The following SLC37A1 variants were observed in gnomAD, a reference collection of about 807,000 sequenced individuals.
SLC37A1 encodes the protein solute carrier family 37 member 1, also known as glucose-6-phosphate exchanger SLC37A1.
SLC37A1 carries 49 observed loss-of-function variants against 75.3 expected under a neutral mutation model. That is an observed-to-expected ratio of 0.65 (90% CI 0.52 to 0.83). SLC37A1 has a LOEUF of 0.83. SLC37A1 is among the 40% of genes least tolerant of loss of function. The probability of loss-of-function intolerance (pLI) is 0.00; values close to 1 mark genes in which losing one functional copy is unlikely to be tolerated. For missense variants in SLC37A1, 566 were observed against 695.0 expected (o/e 0.81, Z 2.09); for synonymous variants, 268 against 292.1 (o/e 0.92, Z 0.84).
At chr21:42,532,231 T>TG (rs1419545010) in intron 3 of SLC37A1, among the ~76,000 whole-genome samples, 3 of 152,112 alleles carry the variant, frequency 2.0e-5, no homozygotes, top group Admixed American at 6.5e-5. Flanking sequence ...TGCTTATTTA[T>TG]GAAAAAAAGG....
At chr21:42,502,004 C>T (rs575297794) in intron 1 of SLC37A1, among the ~76,000 whole-genome samples, 1 of 152,238 alleles carries the variant, frequency 6.6e-6, no homozygotes, top group East Asian at 1.9e-4. Context: ...TAAGGCTCCC[C>T]CTACCCAACT....
chr21:42,524,696 C>T (rs2054735573), intron 2 of SLC37A1, among the ~76,000 whole-genome samples: 1 of 152,236 alleles, frequency 6.6e-6, no homozygotes, highest in African/African-American at 2.4e-5. Context: ...CTCAAGTGTG[C>T]ATCTCGAGTC....
intron 5 of SLC37A1, among the ~76,000 whole-genome samples, chr21:42,537,354 A>C (rs1346807024): frequency 1.3e-5 from 2 of 152,176 alleles, no homozygotes. Context: ...GACCTTCTCC[A>C]CTTTGAGGTC....
rs1421908813 is a variant in SLC37A1 at position 42,579,443 on chromosome 21, G to T, written c.1522-293G>T. On this transcript the variant is annotated intron_variant, in intron 18 of 19. Transcript: ENST00000352133. ...GTCTAAACGTGACTTGAACCCAGAA[G>T]TAGTTCAGGCTGCATCTCTCCCAAA... 2.7e-4 allele frequency among the ~76,000 whole-genome samples: 21 copies of T among 77,558 alleles called. No homozygotes were observed. The Admixed American group carries it at 2.9e-3, about 11-fold the overall frequency. The allele number at this position is 77,558 out of a possible 152,430, so 50.9% of individuals were successfully genotyped here.
At position 42,556,770 on chromosome 21, in the gene SLC37A1, GGCA is replaced by G. The variant is rs58219852; in HGVS notation, c.850-2179_850-2177del. On this transcript the variant is annotated intron_variant, in intron 10 of 19. Coordinates refer to ENST00000352133, the MANE Select transcript of SLC37A1 (RefSeq NM_001320537.2). ...CTTCTTGTTTGCTATGTAAGGAGGA[GGCA>G]GCAGCAGCCCCCTGTTTGTTTTGGA... Among the ~76,000 whole-genome samples the G allele has an allele frequency of 8.6e-3, 1,316 of 152,308 alleles. 17 individuals carry two copies. The highest frequency in any genetic ancestry group is 0.03 in the African/African-American group (1,243 of 41,564).
intron 11 of SLC37A1, among the ~76,000 whole-genome samples, chr21:42,561,118 AC>A (rs1445452047): frequency 6.6e-6 from 1 of 152,208 alleles, no homozygotes. Context: ...ATCCTCATCA[AC>A]TGTGAAGACA....
At chr21:42,538,385 G>C (rs940434169) in intron 5 of SLC37A1, among the ~76,000 whole-genome samples, 1 of 152,228 alleles carries the variant, frequency 6.6e-6, no homozygotes, top group African/African-American at 2.4e-5. Flanking sequence ...ATCCAAGGTA[G>C]ATCTTTTTTA....
At chr21:42,569,164 C>T (rs1422478255) in intron 17 of SLC37A1, among the ~76,000 whole-genome samples, 2 of 152,166 alleles carry the variant, frequency 1.3e-5, no homozygotes, top group Non-Finnish European at 2.9e-5. Context: ...TCACTTGCTG[C>T]GTGGGGGTCT....
intron 14 of SLC37A1, 146 bp from the exon 15 acceptor site, chr21:42,565,681 C>T (rs1186708133): frequency 9.0e-6 from 6 of 668,878 alleles, no homozygotes; most frequent in East Asian, 2.7e-5. Flanking sequence ...CGGGAGGGGG[C>T]GTGGCCGTCA....
At chr21:42,513,528 G>A (rs541615684), upstream of SLC37A1, among the ~76,000 whole-genome samples, 18 of 152,166 alleles carry the variant, frequency 1.2e-4, no homozygotes, top group Non-Finnish European at 2.4e-4. Context: ...CTGCCTTGAG[G>A]ACAGAGCGCC....
chr21:42,520,602 A>C (rs1433504906), intron 2 of SLC37A1, among the ~76,000 whole-genome samples: 2 of 152,084 alleles, frequency 1.3e-5, no homozygotes, highest in African/African-American at 2.4e-5. Flanking sequence ...TCTCGGGATA[A>C]ACTGGTGATG....
At chr21:42,521,246 A>G (rs1306908723) in intron 2 of SLC37A1, among the ~76,000 whole-genome samples, 2 of 152,148 alleles carry the variant, frequency 1.3e-5, no homozygotes, top group Middle Eastern at 3.2e-3. Flanking sequence ...CCAATGACCA[A>G]CGTCAGTGTC....
chr21:42,518,597 TATAAAACAC>T lies in SLC37A1; in HGVS notation c.56+95_56+103del, dbSNP rs1022659448. The stretch of plus-strand genomic sequence containing the variant: ...GGTAGTTGTGTTGCCCCAGTTTCAT[TATAAAACAC>T]ATAAAACTTGAATCACTGACCTCAC... On this transcript the variant is annotated intron_variant, in intron 2 of 19. Transcript: ENST00000352133. 2.1e-5 allele frequency: 30 copies of T among 1,452,486 alleles called. No homozygotes were observed. The African/African-American group carries it at 3.8e-4, about 18-fold the overall frequency. The allele number at this position is 1,452,486 out of a possible 1,614,324, so 90.0% of individuals were successfully genotyped here. A position where few individuals can be genotyped will look rare whatever the true frequency, so the allele number is the denominator to read the frequency against.
chr21:42,538,388 C>A (rs922910693), intron 5 of SLC37A1, among the ~76,000 whole-genome samples: 4 of 152,162 alleles, frequency 2.6e-5, no homozygotes, highest in African/African-American at 9.7e-5. Context: ...CAAGGTAGAT[C>A]TTTTTTACTT....
At chr21:42,504,270 T>A (rs1394095962) in intron 2 of SLC37A1, among the ~76,000 whole-genome samples, 1 of 152,276 alleles carries the variant, frequency 6.6e-6, no homozygotes, top group East Asian at 1.9e-4. Context: ...TCATTTTGGG[T>A]CATCTTGGCC....
In SLC37A1 at chr21:42,518,308, A is replaced by G; in HGVS notation, c.-147A>G. On this transcript the variant is annotated 5_prime_UTR_variant, in exon 2 of 20. Transcript: ENST00000352133. ...GAGCCACTGCCAGAAGGAAGGGGAC[A>G]AGACCCAGCAGGACACCTTCTTTCC... is the stretch of plus-strand genomic sequence containing the variant. 4.3e-6 allele frequency: 4 copies of G among 936,190 alleles called. No individual in the cohort carries two copies. The highest frequency in any genetic ancestry group is 1.9e-5 in the Admixed American group (1 of 51,746). The allele number at this position is 936,190 out of a possible 1,614,324, so 58.0% of individuals were successfully genotyped here.
rs1419966114 is a variant in SLC37A1 at position 42,534,681 on chromosome 21, C to T, written c.139-17C>T. 3.1e-6 allele frequency: 5 copies of T among 1,602,984 alleles called. No homozygotes were observed. Among genetic ancestry groups the T allele is most frequent in the South Asian group, 2.2e-5 (2 of 89,758 alleles). Reference sequence around the variant, plus strand: ...GGCACTTCCTCTCCCTGCTTCTGCCCTCCCATCACGTCCCAGGGTGAGCTC... The same window carrying T: ...GGCACTTCCTCTCCCTGCTTCTGCCTTCCCATCACGTCCCAGGGTGAGCTC... On this transcript the variant is annotated splice_polypyrimidine_tract_variant and intron_variant, in intron 3 of 19. Coordinates refer to ENST00000352133, the MANE Select transcript of SLC37A1 (RefSeq NM_001320537.2).
intron 13 of SLC37A1, among the ~76,000 whole-genome samples, chr21:42,564,382 C>G (rs1212565540): frequency 1.3e-5 from 2 of 151,976 alleles, no homozygotes; most frequent in African/African-American, 4.8e-5. Context: ...GAGTGAGACC[C>G]CATCTCAAAA....
intron 7 of SLC37A1, 32 bp downstream of exon 7, chr21:42,542,512 G>A (rs2055309369): frequency 3.7e-6 from 6 of 1,605,554 alleles, no homozygotes; most frequent in Non-Finnish European, 5.1e-6. Flanking sequence ...TCCAATAGCA[G>A]ATGAAAACTA....
Sources: allele counts gnomAD v4.1 joint callset (sites outside exome capture counted in the v4.1 genomes callset), GRCh38; gene constraint gnomAD v4.1.1; transcripts MANE v1.5; gene names NCBI Gene and HGNC (gene_info 2026-07-23, HGNC 2026-07-21).